Variants in ATP9A observed in about 807,000 individuals in gnomAD.
ATP9A encodes probable phospholipid-transporting ATPase IIA.
A neutral mutation model predicts 144.1 loss-of-function variants in ATP9A; 52 were observed. The observed-to-expected ratio is 0.36, with a 90% CI of 0.29 to 0.45. The LOEUF is 0.45. ATP9A is among the 20% of genes least tolerant of loss of function. The probability of loss-of-function intolerance (pLI) is 1.00; values close to 1 mark genes in which losing one functional copy is unlikely to be tolerated. For synonymous variants in ATP9A, 582 were observed against 557.4 expected, an observed-to-expected ratio of 1.04 and a Z score of -0.62; for missense variants, 947 against 1,392.7, an observed-to-expected ratio of 0.68 and a Z score of 5.09.
intron 3 of ATP9A, among the ~76,000 whole-genome samples, chr20:51,713,473 TAAC>T (rs947847062): frequency 2.0e-5 from 3 of 152,162 alleles, no homozygotes; most frequent in Admixed American, 6.5e-5. Context: ...TTCATCCTCA[TAAC>T]AACCCTGAGA....
intron 14 of ATP9A, among the ~76,000 whole-genome samples, chr20:51,652,169 G>A (rs1182636545): frequency 3.3e-5 from 5 of 152,134 alleles, no homozygotes; most frequent in Non-Finnish European, 7.4e-5. Flanking sequence ...AGGCCTGCTC[G>A]CTCCAGCATC....
At position 51,613,674 on chromosome 20, in the gene ATP9A, C is replaced by A. The variant is rs1320008350; in HGVS notation, c.2571+3G>T. Reference sequence around the variant, plus strand: ...TGTGCAGAGGGGCCAGCTGTCCACTCACCTGCATGGTGCTGATACAGAGGC... The same window carrying A: ...TGTGCAGAGGGGCCAGCTGTCCACTAACCTGCATGGTGCTGATACAGAGGC... On this transcript the variant is annotated splice_donor_region_variant and intron_variant, in intron 23 of 27. Coordinates refer to ENST00000338821, the MANE Select transcript of ATP9A (RefSeq NM_006045.3). 6.2e-7 allele frequency: 1 copy of A among 1,613,040 alleles called. No homozygotes were observed. Among genetic ancestry groups the A allele is most frequent in the Admixed American group, 1.7e-5 (1 of 59,850 alleles).
chr20:51,648,661 T>C (rs547836144), intron 14 of ATP9A, among the ~76,000 whole-genome samples: 10 of 152,186 alleles, frequency 6.6e-5, no homozygotes, highest in South Asian at 2.1e-4. Flanking sequence ...AAGACCCCCA[T>C]TGCTACAATA....
chr20:51,745,297 T>C (rs567449979), intron 1 of ATP9A, among the ~76,000 whole-genome samples: 2 of 147,004 alleles, frequency 1.4e-5, no homozygotes, highest in African/African-American at 2.5e-5. Context: ...TAGCTGGGCA[T>C]GGTGGCGGGT....
intron 26 of ATP9A, among the ~76,000 whole-genome samples, chr20:51,605,644 G>A (rs1275643296): frequency 2.0e-5 from 3 of 150,966 alleles, no homozygotes; most frequent in Non-Finnish European, 2.9e-5. Flanking sequence ...AAATGATGTC[G>A]TGACTCACAC....
chr20:51,657,788 G>A (rs951160631), intron 13 of ATP9A, among the ~76,000 whole-genome samples: 4 of 152,332 alleles, frequency 2.6e-5, no homozygotes, highest in African/African-American at 9.6e-5. Context: ...CAAGGCGTCA[G>A]GAACAGCCAG....
intron 19 of ATP9A, 30 bp downstream of exon 19, chr20:51,622,044 C>T (rs779970729): frequency 1.3e-6 from 2 of 1,596,118 alleles, no homozygotes; most frequent in Non-Finnish European, 1.7e-6. Flanking sequence ...ACATCATCCC[C>T]ACATGGCCCT....
At chr20:51,661,963 TG>T (rs1169137280) in intron 13 of ATP9A, among the ~76,000 whole-genome samples, 1 of 152,218 alleles carries the variant, frequency 6.6e-6, no homozygotes, top group Non-Finnish European at 1.5e-5. Flanking sequence ...GACCCTCATT[TG>T]GTCATGTCTG....
At chr20:51,719,346 TTAA>T (rs1362438240) in intron 3 of ATP9A, among the ~76,000 whole-genome samples, 1 of 152,166 alleles carries the variant, frequency 6.6e-6, no homozygotes, top group Non-Finnish European at 1.5e-5. Flanking sequence ...TAAATTGTTA[TTAA>T]TGAGTTGTTG....
chr20:51,707,198 C>A (rs959227938), intron 4 of ATP9A, among the ~76,000 whole-genome samples: 2 of 152,138 alleles, frequency 1.3e-5, no homozygotes, highest in Admixed American at 6.6e-5. Flanking sequence ...CTGCTGTTGC[C>A]ATCTTGAGAT....
chr20:51,732,153 G>T (rs886201486), intron 1 of ATP9A, among the ~76,000 whole-genome samples: 4 of 152,140 alleles, frequency 2.6e-5, no homozygotes, highest in Non-Finnish European at 5.9e-5. Context: ...GGGCTGCTCT[G>T]GCAAAACGAG....
At chr20:51,704,374 GTGTTT>G (rs1175482987) in intron 4 of ATP9A, among the ~76,000 whole-genome samples, 1 of 141,248 alleles carries the variant, frequency 7.1e-6, no homozygotes, top group Non-Finnish European at 1.6e-5. Flanking sequence ...TGAGTTTCTG[GTGTTT>G]TGTTGTTTTT....
rs751302164 is a variant in ATP9A, at chr20:51,712,979, C to G, written c.423G>C (p.Arg141=). The change falls in exon 4 of 28, where the codon CGG becomes CGC. Residue 141 remains arginine (R), a synonymous_variant. Transcript: ENST00000338821. Reference sequence around the variant, plus strand: ...CAGAAGGCTGACCTCGTGCTGTGAGCCGGCTGTAGACCTGGGAGTTGACTT... The same window carrying G: ...CAGAAGGCTGACCTCGTGCTGTGAGGCGGCTGTAGACCTGGGAGTTGACTT... The part of the protein sequence containing the change: ...DKEVNSQVYS[R]LTARGTVKVK... 1 of 1,610,458 alleles carries G rather than the reference C, an allele frequency of 6.2e-7. No homozygotes were observed. The highest frequency in any genetic ancestry group is 8.5e-7 in the Non-Finnish European group (1 of 1,178,340).
chr20:51,749,669 T>C (rs2077823375), intron 1 of ATP9A, among the ~76,000 whole-genome samples: 1 of 152,228 alleles, frequency 6.6e-6, no homozygotes, highest in African/African-American at 2.4e-5. Context: ...CATGGTTTTT[T>C]TGATAAATGC....
chr20:51,619,921 T>C (rs1356583891), intron 19 of ATP9A, among the ~76,000 whole-genome samples: 2 of 149,988 alleles, frequency 1.3e-5, no homozygotes, highest in Admixed American at 6.6e-5. Flanking sequence ...AGGTGTTGGA[T>C]GATGCATTCG....
At chr20:51,626,597 G>T (rs1470827174) in intron 17 of ATP9A, among the ~76,000 whole-genome samples, 1 of 151,902 alleles carries the variant, frequency 6.6e-6, no homozygotes, top group African/African-American at 2.4e-5. Context: ...ATGGCTTGAG[G>T]CCAGGAGTTT....
rs200644621 is a variant in ATP9A, at chr20:51,689,542, A to AT, written c.724-404dup. Among the ~76,000 whole-genome samples, 72 of 147,006 alleles carry AT rather than the reference A, an allele frequency of 4.9e-4. 1 individual carries two copies. Among genetic ancestry groups the AT allele is most frequent in the South Asian group, 2.8e-3 (13 of 4,596 alleles). On this transcript the variant is annotated intron_variant, in intron 8 of 27. Coordinates refer to ENST00000338821, the MANE Select transcript of ATP9A (RefSeq NM_006045.3). ...CCTGTTGACCCATATTCCTAAAATA[A>AT]TTTTTTTTTTTTTGAGATGGAGTCT... is the stretch of plus-strand genomic sequence containing the variant.
chr20:51,625,821 CTCTT>C (rs2077246143), intron 17 of ATP9A, among the ~76,000 whole-genome samples: 1 of 152,234 alleles, frequency 6.6e-6, no homozygotes, highest in African/African-American at 2.4e-5. Flanking sequence ...GCCGCTTCTT[CTCTT>C]TATCATGTTA....
intron 3 of ATP9A, 115 bp from the exon 4 acceptor site, chr20:51,713,189 G>A (rs1431095544): frequency 3.5e-6 from 3 of 860,864 alleles, no homozygotes; most frequent in African/African-American, 3.3e-5. Flanking sequence ...GAGGGCAGGG[G>A]GGCAGGACCT....
Sources: allele counts gnomAD v4.1 joint callset (sites outside exome capture counted in the v4.1 genomes callset), GRCh38; gene constraint gnomAD v4.1.1; transcripts MANE v1.5; gene names NCBI Gene and HGNC (gene_info 2026-07-23, HGNC 2026-07-21).